The following TNFRSF11A variants were observed in gnomAD, a reference collection of about 807,000 sequenced individuals.
TNFRSF11A encodes tumor necrosis factor receptor superfamily member 11A.
A neutral mutation model predicts 55.7 loss-of-function variants in TNFRSF11A; 32 were observed. The ratio of observed to expected loss-of-function variants is 0.57; its 90% CI spans 0.43 to 0.77. TNFRSF11A has a LOEUF of 0.77. Among genes scored for constraint, TNFRSF11A ranks in the 30% least tolerant of loss-of-function variants. TNFRSF11A has a pLI of 0.00. For synonymous variants in TNFRSF11A, 311 were observed against 331.0 expected (o/e 0.94, Z 0.65); for missense variants, 753 against 809.8 (o/e 0.93, Z 0.85).
chr18:62,341,192 A>G (rs1325945220), intron 1 of TNFRSF11A, among the ~76,000 whole-genome samples: 1 of 152,238 alleles, frequency 6.6e-6, no homozygotes, highest in East Asian at 1.9e-4. Context: ...GGCTCGTGGA[A>G]CTGACTGAAC....
chr18:62,365,065 A>G (rs890630773), intron 7 of TNFRSF11A, among the ~76,000 whole-genome samples: 5 of 152,116 alleles, frequency 3.3e-5, no homozygotes, highest in African/African-American at 1.2e-4. Flanking sequence ...GGCTCAAACA[A>G]TCCTCCCACC....
Position 62,361,687 on chromosome 18 carries a change from T to C in TNFRSF11A, c.624T>C (p.His208=), listed in dbSNP as rs1307491448. Residue 208 remains histidine (H), a synonymous_variant, in exon 7 of 10, where the codon CAT becomes CAC. Coordinates refer to ENST00000586569, the MANE Select transcript of TNFRSF11A (RefSeq NM_003839.4). ...CATTTTCTTCCAATACAGAACCCCATGTTTACTTGCCCGGTTTAATAATTC... is the reference window on the plus strand; with the variant it reads ...CATTTTCTTCCAATACAGAACCCCACGTTTACTTGCCCGGTTTAATAATTC... ...LPARKPPNEP[H]VYLPGLIILL... is the part of the protein sequence containing the mutation. The C allele has an allele frequency of 4.3e-6, 7 of 1,613,992 alleles. No homozygotes were observed. The highest frequency in any genetic ancestry group is 5.9e-6 in the Non-Finnish European group (7 of 1,179,830).
intron 7 of TNFRSF11A, among the ~76,000 whole-genome samples, chr18:62,365,970 A>G (rs1910057627): frequency 6.6e-6 from 1 of 152,082 alleles, no homozygotes; most frequent in Non-Finnish European, 1.5e-5. Context: ...GGACATTGCC[A>G]CCATGCCCGG....
intron 7 of TNFRSF11A, among the ~76,000 whole-genome samples, chr18:62,366,421 C>T (rs1910090643): frequency 6.6e-6 from 1 of 152,064 alleles, no homozygotes; most frequent in Admixed American, 6.6e-5. Flanking sequence ...AGAAAGTTGT[C>T]CAGGAATCTA....
rs781141387 is a variant in TNFRSF11A, at chr18:62,384,936, G to T, written c.1753G>T (p.Gly585Cys). The T allele has an allele frequency of 6.5e-7, 1 of 1,543,334 alleles. No homozygotes were observed. Among genetic ancestry groups the T allele is most frequent in the South Asian group, 1.2e-5 (1 of 84,212 alleles). Residue 585 changes from glycine (G) to cysteine (C), a missense_variant, in exon 10 of 10, where the codon GGC (glycine) becomes TGC (cysteine). Physicochemically the swap from Gly to Cys is radical, Grantham distance 159 (BLOSUM62 -3). Coordinates refer to ENST00000586569, the MANE Select transcript of TNFRSF11A (RefSeq NM_003839.4). ...LARRDSFAGN[G>C]PRFPDPCGGP... is the part of the protein sequence containing the mutation. ...GCGCCGAGACTCCTTCGCGGGGAAC[G>T]GCCCGCGCTTCCCGGACCCGTGCGG...
chr18:62,330,656 G>T (rs1448195908), intron 1 of TNFRSF11A, among the ~76,000 whole-genome samples: 1 of 152,304 alleles, frequency 6.6e-6, no homozygotes, highest in South Asian at 2.1e-4. Flanking sequence ...CTACTGCCTT[G>T]GTTTGGGAAA....
intron 3 of TNFRSF11A, among the ~76,000 whole-genome samples, 198 bp downstream of exon 3, chr18:62,350,135 G>A (rs766014290): frequency 6.6e-6 from 1 of 152,106 alleles, no homozygotes; most frequent in South Asian, 2.1e-4. Context: ...CATTTGTTCT[G>A]GAATATATTT....
intron 7 of TNFRSF11A, among the ~76,000 whole-genome samples, chr18:62,365,729 G>A (rs953473563): frequency 2.6e-5 from 4 of 152,216 alleles, no homozygotes; most frequent in African/African-American, 4.8e-5. Flanking sequence ...AGAGGATCAT[G>A]TTTTGCTTTG....
At position 62,358,308 on chromosome 18, in the gene TNFRSF11A, T is replaced by G. The variant is rs747557225; in HGVS notation, c.488T>G (p.Phe163Cys). 6.2e-7 allele frequency: 1 copy of G among 1,613,682 alleles called. No individual in the cohort carries two copies. Among genetic ancestry groups the G allele is most frequent in the Non-Finnish European group, 8.5e-7 (1 of 1,179,868 alleles). ...CTTGCAGGCTACTTCTCTGATGCCT[T>G]TTCCTCCACGGACAAATGCAGACCC... The part of the protein sequence containing the change: ...PCLAGYFSDA[F>C]SSTDKCRPWT... Residue 163 changes from phenylalanine (F) to cysteine (C), a missense_variant, in exon 5 of 10, where the codon TTT (phenylalanine) becomes TGT (cysteine). Phe to Cys is a radical substitution (Grantham distance 205). Around this residue, in one of 3 missense-constraint regions of TNFRSF11A, gnomAD observed 567 missense variants for 596.7 expected, o/e 0.95. Transcript: ENST00000586569.
intron 4 of TNFRSF11A, among the ~76,000 whole-genome samples, chr18:62,354,960 A>G (rs75600429): frequency 0.015 from 2,333 of 152,316 alleles, 59 homozygotes; most frequent in African/African-American, 0.053. Flanking sequence ...GTTTTGTTAC[A>G]AGTTTGAAGA....
At chr18:62,347,177 G>C (rs2046395684) in intron 1 of TNFRSF11A, among the ~76,000 whole-genome samples, 1 of 152,198 alleles carries the variant, frequency 6.6e-6, no homozygotes, top group African/African-American at 2.4e-5. Flanking sequence ...GGGAAGGTTT[G>C]TGACTCTGTA....
intron 5 of TNFRSF11A, among the ~76,000 whole-genome samples, 195 bp from the exon 6 acceptor site, chr18:62,359,760 G>A (rs115238071): frequency 6.6e-4 from 101 of 152,284 alleles, no homozygotes; most frequent in African/African-American, 2.3e-3. Flanking sequence ...CACAGGCAGC[G>A]TTTGCTTTTG....
chr18:62,358,322 A>G lies in TNFRSF11A; in HGVS notation c.502A>G (p.Lys168Glu). Residue 168 changes from lysine to glutamate, a missense_variant, in exon 5 of 10, where the codon AAA becomes GAA. Physicochemically the swap from Lys to Glu is moderately conservative, Grantham distance 56 (BLOSUM62 1). Around this residue, in one of 3 missense-constraint regions of TNFRSF11A, gnomAD observed 567 missense variants for 596.7 expected, o/e 0.95. Coordinates refer to ENST00000586569, the MANE Select transcript of TNFRSF11A (RefSeq NM_003839.4). ...CTCTGATGCCTTTTCCTCCACGGAC[A>G]AATGCAGACCCTGGACCAAGTAAGT... ...YFSDAFSSTD[K>E]CRPWTNCTFL... 1 of 1,613,686 alleles carries G rather than the reference A, an allele frequency of 6.2e-7. No homozygotes were observed. The highest frequency in any genetic ancestry group is 8.5e-7 in the Non-Finnish European group (1 of 1,179,942).
chr18:62,344,192 C>T (rs915081501), intron 1 of TNFRSF11A, among the ~76,000 whole-genome samples: 6 of 152,212 alleles, frequency 3.9e-5, no homozygotes, highest in African/African-American at 9.6e-5. Context: ...GACAGAGTTT[C>T]CTAAGCAAGC....
intron 1 of TNFRSF11A, among the ~76,000 whole-genome samples, chr18:62,334,733 A>G (rs2046204854): frequency 6.6e-6 from 1 of 152,200 alleles, no homozygotes; most frequent in Non-Finnish European, 1.5e-5. Flanking sequence ...CCCTTAAAAG[A>G]CACTTTCTAA....
chr18:62,358,040 T>C, intron 4 of TNFRSF11A: 1 of 576,520 alleles, frequency 1.7e-6, no homozygotes, highest in Non-Finnish European at 3.1e-6. Context: ...CATAACTCAC[T>C]GCTGGGGTCA....
At chr18:62,328,117 C>T (rs142906835) in intron 1 of TNFRSF11A, among the ~76,000 whole-genome samples, 4 of 152,180 alleles carry the variant, frequency 2.6e-5, no homozygotes, top group Non-Finnish European at 5.9e-5. Context: ...GCGCATGGGT[C>T]ACAGTCTAGT....
chr18:62,366,849 C>CA lies in TNFRSF11A; in HGVS notation c.783+89_783+90insA, dbSNP rs71160828. On this transcript the variant is annotated intron_variant, in intron 8 of 9. Coordinates refer to ENST00000586569, the MANE Select transcript of TNFRSF11A (RefSeq NM_003839.4). ...CCTAGTCACATATTGAGCACCCCCC[C>CA]CCACCCCCACTTTTTTTGAGACGGA... The CA allele has an allele frequency of 3.0e-4, 402 of 1,327,224 alleles. 1 individual carries two copies. The highest frequency in any genetic ancestry group is 7.5e-4 in the Admixed American group (44 of 58,656). The allele number at this position is 1,327,224 out of a possible 1,614,324, so 82.2% of individuals were successfully genotyped here.
At chr18:62,346,860 C>G (rs1255190757) in intron 1 of TNFRSF11A, among the ~76,000 whole-genome samples, 1 of 152,228 alleles carries the variant, frequency 6.6e-6, no homozygotes, top group Admixed American at 6.5e-5. Context: ...ATGAAGCCCT[C>G]CCCTGACTGC....
Sources: gnomAD v4.1 joint callset for allele counts (sites outside exome capture counted in the v4.1 genomes callset) on GRCh38, gnomAD v4.1.1 for gene constraint, gnomAD v4.1.1 regional missense constraint, MANE v1.5 for transcripts, NCBI Gene and HGNC (gene_info 2026-07-23, HGNC 2026-07-21) for gene names.